The following RIC8A variants were observed in gnomAD, a reference collection of about 807,000 sequenced individuals.
The protein encoded by RIC8A is chaperone Ric-8A.
In RIC8A, 37 loss-of-function variants were observed where a neutral mutation model predicts 48.4. The ratio of observed to expected loss-of-function variants is 0.77; its 90% CI spans 0.59 to 1.01. The LOEUF (loss-of-function observed/expected upper bound fraction) is 1.01. Among genes scored for constraint, RIC8A ranks in the 50% least tolerant of loss-of-function variants. The pLI is 0.00. For synonymous variants in RIC8A, 288 were observed against 283.4 expected (o/e 1.02, Z -0.16); for missense variants, 681 against 696.8 (o/e 0.98, Z 0.25).
At position 209,414 on chromosome 11, in the gene RIC8A, C is replaced by T. The variant is rs756162605; in HGVS notation, c.140C>T (p.Ala47Val). 4.4e-6 allele frequency: 7 copies of T among 1,600,048 alleles called. No individual in the cohort carries two copies. The highest frequency in any genetic ancestry group is 2.7e-5 in the African/African-American group (2 of 74,806). Residue 47 changes from alanine to valine, a missense_variant, in exon 3 of 10, where the codon GCG (alanine) becomes GTG (valine). Transcript: ENST00000526104. ...DAQQEDRKRL[A>V]ELLVSVLEQG... is the part of the protein sequence containing the mutation. ...TCTTCTCCCTGCCCACAGAGACTGG[C>T]GGAGCTGCTGGTCTCCGTCCTGGAA...
At chr11:209,205 C>T in intron 1 of RIC8A, 66 bp from the exon 2 acceptor site, 1 of 1,594,868 alleles carries the variant, frequency 6.3e-7, no homozygotes, top group Non-Finnish European at 8.6e-7. Context: ...GGCCAATAGG[C>T]CGCCCGCATC....
chr11:214,303 A>G lies in RIC8A; in HGVS notation c.1549A>G (p.Thr517Ala). 1 of 1,613,018 alleles carries G rather than the reference A, an allele frequency of 6.2e-7. No individual in the cohort carries two copies. Among genetic ancestry groups the G allele is most frequent in the Non-Finnish European group, 8.5e-7 (1 of 1,179,606 alleles). Residue 517 changes from threonine to alanine, a missense_variant, in exon 10 of 10, where the codon ACT becomes GCT. By Grantham distance (58) the Thr-to-Ala change is moderately conservative. Coordinates refer to ENST00000526104, the MANE Select transcript of RIC8A (RefSeq NM_001286134.2). ...LTSLQDAMCE[T>A]MEQQLSSDPD... ...GTCCCTGCAGGATGCCATGTGCGAG[A>G]CTATGGAGCAGCAGCTCTCCTCGGA...
intron 8 of RIC8A, 82 bp from the exon 9 acceptor site, chr11:213,216 AC>A: frequency 6.3e-7 from 1 of 1,579,286 alleles, no homozygotes; most frequent in Non-Finnish European, 8.6e-7. Flanking sequence ...TGCCCACCTC[AC>A]CCCACTGGGA....
chr11:208,644 T>C lies in RIC8A; in HGVS notation c.-211T>C. The C allele has an allele frequency of 2.1e-6, 1 of 474,600 alleles. No individual in the cohort carries two copies. Among genetic ancestry groups the C allele is most frequent in the Admixed American group, 4.4e-5 (1 of 22,612 alleles). The allele number at this position is 474,600 out of a possible 1,614,324, so 29.4% of individuals were successfully genotyped here. A position where few individuals can be genotyped will look rare whatever the true frequency, so the allele number is the denominator to read the frequency against. ...GAGCGACTCAGCCCCTCGACTCGGG[T>C]CTTAAAACCTCCGAGCCGCCAGTTC... On this transcript the variant is annotated 5_prime_UTR_variant, in exon 1 of 10. Coordinates refer to ENST00000526104, the MANE Select transcript of RIC8A (RefSeq NM_001286134.2). This position sits in a 1 kb window ranked among gnomAD's most constrained non-coding sequence, Gnocchi z 4.8.
Position 212,440 on chromosome 11 carries a change from G to A in RIC8A, c.994G>A (p.Ala332Thr). 1.9e-6 allele frequency: 3 copies of A among 1,613,938 alleles called. No individual in the cohort carries two copies. Among genetic ancestry groups the A allele is most frequent in the South Asian group, 1.1e-5 (1 of 91,044 alleles). Residue 332 changes from alanine to threonine, a missense_variant, in exon 6 of 10, where the codon GCT (alanine) becomes ACT (threonine). Physicochemically the swap from Ala to Thr is moderately conservative, Grantham distance 58. Transcript: ENST00000526104. ...GACACACAGGCTGAAGGAGAGTGTA[G>A]CTCCCGTGCTGAGCGTGCTGACTGA... The part of the protein sequence containing the change: ...HKTHRLKESV[A>T]PVLSVLTECA...
chr11:212,348 A>G, intron 5 of RIC8A, 68 bp from the exon 6 acceptor site: 1 of 1,458,944 alleles, frequency 6.9e-7, no homozygotes, highest in East Asian at 2.4e-5. Context: ...GGTGGTGGGG[A>G]GGTGTAACTC....
rs1855351607 is a variant in RIC8A, at chr11:211,322, C to T, written c.942C>T (p.Leu314=). The T allele has an allele frequency of 2.5e-6, 4 of 1,614,068 alleles. No individual in the cohort carries two copies. The highest frequency in any genetic ancestry group is 2.2e-5 in the East Asian group (1 of 44,880). The change falls in exon 5 of 10, where the codon CTC becomes CTT. Residue 314 remains leucine (L), a synonymous_variant. Transcript: ENST00000526104. This position sits in a 1 kb window ranked among gnomAD's most constrained non-coding sequence, Gnocchi z 4.0. ...ATATGGATGTGATTCGTGCCCTCCTCATCTTCCTAGAGAAGCGTTTGCACA... is the reference window on the plus strand; with the variant it reads ...ATATGGATGTGATTCGTGCCCTCCTTATCTTCCTAGAGAAGCGTTTGCACA... ...GVNMDVIRAL[L]IFLEKRLHKT...
intron 9 of RIC8A, 90 bp from the exon 10 acceptor site, chr11:214,140 T>C (rs1452455379): frequency 1.4e-6 from 2 of 1,456,520 alleles, no homozygotes; most frequent in African/African-American, 2.8e-5. Flanking sequence ...GCCTACTTGG[T>C]AGAGAGGAAG....
Position 213,321 on chromosome 11 carries a change from G to C in RIC8A, c.1378G>C (p.Val460Leu), listed in dbSNP as rs750126771. Residue 460 changes from valine (V) to leucine (L), a missense_variant, in exon 9 of 10, where the codon GTG becomes CTG. Val to Leu is a conservative substitution (Grantham distance 32, BLOSUM62 1). Transcript: ENST00000526104. Reference sequence around the variant, plus strand: ...CAGCATAAACCCTGTGACCGGGAGGGTGGAGGAGAAGCCGCCTAACCCTAT... The same window carrying C: ...CAGCATAAACCCTGTGACCGGGAGGCTGGAGGAGAAGCCGCCTAACCCTAT... ...KASINPVTGRVEEKPPNPMEG... is the reference protein window; with the variant it reads ...KASINPVTGRLEEKPPNPMEG... The C allele has an allele frequency of 4.3e-6, 7 of 1,613,880 alleles. No individual in the cohort carries two copies. The African/African-American group carries it at 9.3e-5, about 22-fold the overall frequency.
rs1221867672 is a variant in RIC8A at position 213,344 on chromosome 11, T to C, written c.1401T>C (p.Pro467=). The change falls in exon 9 of 10, where the codon CCT becomes CCC. Residue 467 remains proline, a synonymous_variant. Transcript: ENST00000526104. The part of the protein sequence containing the change: ...TGRVEEKPPN[P]MEGMTEEQKE... ...GGGTGGAGGAGAAGCCGCCTAACCC[T>C]ATGGAGGGCATGACAGAGGAGCAGA... The C allele has an allele frequency of 1.1e-5, 17 of 1,613,426 alleles. No individual in the cohort carries two copies. Among genetic ancestry groups the C allele is most frequent in the African/African-American group, 2.7e-5 (2 of 74,850 alleles).
intron 6 of RIC8A, 23 bp from the exon 7 acceptor site, chr11:212,592 C>T (rs1330447419): frequency 1.2e-6 from 2 of 1,613,636 alleles, no homozygotes; most frequent in African/African-American, 1.3e-5. Flanking sequence ...TAAGCCCAAG[C>T]TTAGGGATGG....
intron 9 of RIC8A, 30 bp downstream of exon 9, chr11:213,448 G>A: frequency 6.4e-7 from 1 of 1,557,644 alleles, no homozygotes; most frequent in Non-Finnish European, 8.7e-7. Context: ...GGGGCCTGCA[G>A]CTGGGAGAAG....
At position 207,992 on chromosome 11, in the gene RIC8A, C is replaced by G. The variant is rs1157095530; in HGVS notation, c.-863C>G. ...GGGAGGCGGCGCGGGGACTGGGGGCCGTAGACGCCTTTGCTCCCGGGCACT... is the reference window on the plus strand; with the variant it reads ...GGGAGGCGGCGCGGGGACTGGGGGCGGTAGACGCCTTTGCTCCCGGGCACT... On this transcript the variant is annotated 5_prime_UTR_variant, in exon 1 of 10. Coordinates refer to ENST00000526104, the MANE Select transcript of RIC8A (RefSeq NM_001286134.2). 1 of 152,378 alleles carries G rather than the reference C, an allele frequency of 6.6e-6. No individual in the cohort carries two copies. Among genetic ancestry groups the G allele is most frequent in the African/African-American group, 2.4e-5 (1 of 41,446 alleles). 9.4% of individuals were successfully genotyped at this position (152,378 alleles called of 1,614,324 possible).
rs759830622 is a variant in RIC8A at position 210,639 on chromosome 11, A to G, written c.795A>G (p.Gly265=). ...LRHCVMIATA[G]DRTEEFHGHA... is the part of the protein sequence containing the mutation. ...ACTGTGTGATGATCGCTACTGCTGGAGACCGCACAGAGGAGTTCCACGGGT... is the reference window on the plus strand; with the variant it reads ...ACTGTGTGATGATCGCTACTGCTGGGGACCGCACAGAGGAGTTCCACGGGT... The change falls in exon 4 of 10, where the codon GGA becomes GGG. Residue 265 remains glycine, a synonymous_variant. Transcript: ENST00000526104. 3 of 1,614,120 alleles carry G rather than the reference A, an allele frequency of 1.9e-6. No homozygotes were observed. In the Admixed American group the frequency reaches 5.0e-5, roughly 27 times the overall value.
At chr11:213,158 T>G in intron 8 of RIC8A, 141 bp from the exon 9 acceptor site, 1 of 1,387,108 alleles carries the variant, frequency 7.2e-7, no homozygotes, top group Non-Finnish European at 9.7e-7. Context: ...TGGCAGGAGC[T>G]GGTTACCTGT....
intron 9 of RIC8A, 64 bp from the exon 10 acceptor site, chr11:214,166 G>A (rs560356341): frequency 7.8e-5 from 122 of 1,566,690 alleles, no homozygotes; most frequent in Non-Finnish European, 9.8e-5. Flanking sequence ...AGCCACGGGT[G>A]AGTAGGACCC....
Position 209,652 on chromosome 11 carries a change from C to T in RIC8A, c.378C>T (p.Leu126=), listed in dbSNP as rs756526247. The T allele has an allele frequency of 2.7e-5, 43 of 1,613,996 alleles. No individual in the cohort carries two copies. Among genetic ancestry groups the T allele is most frequent in the Non-Finnish European group, 3.6e-5 (42 of 1,179,998 alleles). ...TCAAGTGCCTGTGCAACCTCGTGCTCAGCAGCCCTGTGGCACAGATGCTGG... is the reference window on the plus strand; with the variant it reads ...TCAAGTGCCTGTGCAACCTCGTGCTTAGCAGCCCTGTGGCACAGATGCTGG... ...ESLKCLCNLV[L]SSPVAQMLAA... Residue 126 remains leucine (L), a synonymous_variant, in exon 3 of 10, where the codon CTC becomes CTT. Coordinates refer to ENST00000526104, the MANE Select transcript of RIC8A (RefSeq NM_001286134.2).
At position 214,524 on chromosome 11, in the gene RIC8A, T is replaced by G; in HGVS notation, c.*174T>G. 2 of 798,196 alleles carry G rather than the reference T, an allele frequency of 2.5e-6. No individual in the cohort carries two copies. The highest frequency in any genetic ancestry group is 4.2e-6 in the Non-Finnish European group (2 of 476,126). 49.4% of individuals were successfully genotyped at this position (798,196 alleles called of 1,614,324 possible). ...GTTCATGATTTGCCTCTGGTCCAGT[T>G]TCTCATCTCTGGACTGCAACGGTCT... is the stretch of plus-strand genomic sequence containing the variant. On this transcript the variant is annotated 3_prime_UTR_variant, in exon 10 of 10. Transcript: ENST00000526104.
rs11553636 is a variant in RIC8A at position 211,232 on chromosome 11, C to G, written c.852C>G (p.Leu284=). The part of the protein sequence containing the change: ...HAVNLLGNLP[L]KCLDVLLTLE... ...TGAACCTCCTGGGGAACTTGCCCCTCAAGTGTCTGGATGTTCTCCTCACCC... is the reference window on the plus strand; with the variant it reads ...TGAACCTCCTGGGGAACTTGCCCCTGAAGTGTCTGGATGTTCTCCTCACCC... Residue 284 remains leucine (L), a synonymous_variant, in exon 5 of 10, where the codon CTC becomes CTG. Coordinates refer to ENST00000526104, the MANE Select transcript of RIC8A (RefSeq NM_001286134.2). The surrounding 1 kb of genome is among the most constrained non-coding windows in gnomAD (Gnocchi z 4.0). 8 of 1,613,946 alleles carry G rather than the reference C, an allele frequency of 5.0e-6. No homozygotes were observed. In the South Asian group the frequency reaches 8.8e-5, roughly 18 times the overall value.
Sources: gnomAD v4.1 joint callset for allele counts on GRCh38, gnomAD v4.1.1 for gene constraint, Gnocchi (gnomAD v3.1) non-coding constraint, MANE v1.5 for transcripts, NCBI Gene and HGNC (gene_info 2026-07-23, HGNC 2026-07-21) for gene names.